NHSL2: variants seen among roughly 807,000 people sequenced by gnomAD.
The protein encoded by NHSL2 is NHS like 2.
Under a neutral mutation model 53.4 loss-of-function variants are expected in NHSL2, and 27 were observed. That is an observed-to-expected ratio of 0.51 (90% CI 0.37 to 0.70). The LOEUF (loss-of-function observed/expected upper bound fraction) is 0.70, where lower values mean the gene tolerates loss of function less well. Ranked by LOEUF, NHSL2 falls within the 30% of genes least tolerant of loss-of-function variation. The pLI is 0.00. For synonymous variants in NHSL2, 408 were observed against 404.1 expected, an observed-to-expected ratio of 1.01 and a Z score of -0.12; for missense variants, 892 against 980.1, an observed-to-expected ratio of 0.91 and a Z score of 1.20.
chrX:72,132,123 T>C lies in NHSL2; in HGVS notation c.325T>C (p.Ser109Pro). Reference protein sequence around the residue: ...GRENATATAHSRSSWRQPVNV... With the variant: ...GRENATATAHPRSSWRQPVNV... ...GGAAAATGCGACAGCGACTGCCCAC[T>C]CGAGGTCGTCATGGCGACAGCCAGT... Residue 109 changes from serine to proline, a missense_variant, in exon 2 of 8, where the codon TCG becomes CCG. Physicochemically the swap from Ser to Pro is moderately conservative, Grantham distance 74 (BLOSUM62 -1). Coordinates refer to ENST00000633930, the MANE Select transcript of NHSL2 (RefSeq NM_001013627.3). 1 of 1,166,490 alleles carries C rather than the reference T, an allele frequency of 8.6e-7. No individual in the cohort carries two copies. The highest frequency in any genetic ancestry group is 1.9e-5 in the South Asian group (1 of 52,599).
At chrX:71,992,526 C>G (rs1010928049) in intron 1 of NHSL2, among the ~76,000 whole-genome samples, 2 of 112,357 alleles carry the variant, frequency 1.8e-5, no homozygotes, top group Non-Finnish European at 3.8e-5. Flanking sequence ...TGCTTAGGAA[C>G]TCAGGGAGAC....
At chrX:72,065,545 C>G (rs1258118438) in intron 1 of NHSL2, among the ~76,000 whole-genome samples, 1 of 111,258 alleles carries the variant, frequency 9.0e-6, no homozygotes, top group Non-Finnish European at 1.9e-5. Context: ...TAAGGAGCAG[C>G]CTGTAGGGTT....
At chrX:72,002,265 T>C (rs2042075604) in intron 1 of NHSL2, among the ~76,000 whole-genome samples, 1 of 112,221 alleles carries the variant, frequency 8.9e-6, no homozygotes. Flanking sequence ...CCTTCCTGGC[T>C]CCTAAAGGCA....
At chrX:72,015,085 G>C (rs139351147) in intron 1 of NHSL2, among the ~76,000 whole-genome samples, 1 of 111,087 alleles carries the variant, frequency 9.0e-6, no homozygotes, top group Admixed American at 9.6e-5. Flanking sequence ...GCCCCTGTTG[G>C]TATTTTCAGT....
chrX:72,060,339 G>A (rs1209439758), intron 1 of NHSL2, among the ~76,000 whole-genome samples: 2 of 112,201 alleles, frequency 1.8e-5, no homozygotes, highest in African/African-American at 3.2e-5. Context: ...AGTGTCTAAG[G>A]AAAGAAGTGT....
At chrX:71,946,307 C>G (rs1304933473) in intron 1 of NHSL2, among the ~76,000 whole-genome samples, 1 of 112,205 alleles carries the variant, frequency 8.9e-6, no homozygotes, top group Non-Finnish European at 1.9e-5. Flanking sequence ...GCAATTCAGG[C>G]AGAGGGCATA....
In NHSL2 at chrX:72,140,215, A is replaced by C. The variant is rs752026921; in HGVS notation, c.2667A>C (p.Pro889=). ...RRPPSLVHKP[P]SVPEEYALTS... ...CTCCAAGCTTGGTCCACAAGCCACC[A>C]TCTGTTCCTGAGGAGTATGCACTAA... is the stretch of plus-strand genomic sequence containing the variant. Residue 889 remains proline (P), a synonymous_variant, in exon 6 of 8, where the codon CCA becomes CCC. Transcript: ENST00000633930. The C allele has an allele frequency of 8.3e-6, 10 of 1,208,014 alleles. No individual in the cohort carries two copies. The highest frequency in any genetic ancestry group is 1.1e-5 in the Non-Finnish European group (10 of 894,378).
At chrX:72,093,332 A>G (rs2041912911) in intron 1 of NHSL2, among the ~76,000 whole-genome samples, 1 of 112,368 alleles carries the variant, frequency 8.9e-6, no homozygotes, top group African/African-American at 3.2e-5. Flanking sequence ...TGGACTGTTT[A>G]CCCAGATATA....
chrX:72,102,729 G>T (rs182747332), intron 1 of NHSL2, among the ~76,000 whole-genome samples: 11 of 112,474 alleles, frequency 9.8e-5, no homozygotes, highest in East Asian at 2.8e-4. Flanking sequence ...TGCAGTATTA[G>T]TAATCCCTTT....
chrX:72,096,560 G>A (rs192612313), intron 1 of NHSL2, among the ~76,000 whole-genome samples: 28 of 112,217 alleles, frequency 2.5e-4, no homozygotes, highest in African/African-American at 6.2e-4. Flanking sequence ...TATGTTGAAC[G>A]CAGAATTCCT....
intron 1 of NHSL2, among the ~76,000 whole-genome samples, chrX:72,085,986 A>G (rs1380500577): frequency 9.0e-6 from 1 of 111,291 alleles, no homozygotes; most frequent in African/African-American, 3.3e-5. Flanking sequence ...TTGAGGCTGA[A>G]CAAAAAGAAT....
chrX:72,043,398 A>C (rs1433151852), intron 1 of NHSL2, among the ~76,000 whole-genome samples: 1 of 111,356 alleles, frequency 9.0e-6, no homozygotes, highest in Non-Finnish European at 1.9e-5. Context: ...CTGTGTTGCC[A>C]GGTACTTTCT....
rs558891329 is a variant in NHSL2, at chrX:72,030,496, A to T, written c.281-101583A>T. Among the ~76,000 whole-genome samples the T allele has an allele frequency of 4.6e-5, 5 of 109,876 alleles. No individual in the cohort carries two copies. In the South Asian group the frequency reaches 1.9e-3, roughly 42 times the overall value. On this transcript the variant is annotated intron_variant, in intron 1 of 7. Transcript: ENST00000633930. ...CATTTCAATGAAGTTGTATATGTAT[A>T]TGTGTGTGTGTGTGTGTGTATACAT...
In NHSL2 at chrX:72,143,363, C is replaced by T. The variant is rs1342435055; in HGVS notation, c.3467C>T (p.Ser1156Phe). 14 of 1,166,445 alleles carry T rather than the reference C, an allele frequency of 1.2e-5. No individual in the cohort carries two copies. Among genetic ancestry groups the T allele is most frequent in the African/African-American group, 3.6e-5 (2 of 56,210 alleles). The stretch of plus-strand genomic sequence containing the variant: ...ACAGCTGAGTCTCCAATCAGTGAGT[C>T]TACCGCCACTGCAGGGTCAGGCAGC... ...KNTAESPISE[S>F]TATAGSGSSA... Residue 1156 changes from serine to phenylalanine, a missense_variant, in exon 8 of 8, where the codon TCT becomes TTT. Coordinates refer to ENST00000633930, the MANE Select transcript of NHSL2 (RefSeq NM_001013627.3).
chrX:72,128,683 C>T (rs2147504495), intron 1 of NHSL2: 1 of 112,834 alleles, frequency 8.9e-6, no homozygotes, highest in South Asian at 3.6e-4. Context: ...TGCAGCCTTC[C>T]TCTCTCCTCT....
chrX:72,140,464 G>C lies in NHSL2; in HGVS notation c.2916G>C (p.Glu972Asp). ...GTQQPPQGSV[E>D]DEGPKVRVLP... ...AGCAGCCTCCCCAGGGAAGTGTAGA[G>C]GACGAGGGCCCCAAGGTGAGGGTTC... is the stretch of plus-strand genomic sequence containing the variant. Residue 972 changes from glutamate (E) to aspartate (D), a missense_variant, in exon 6 of 8, where the codon GAG (glutamate) becomes GAC (aspartate). Physicochemically the swap from Glu to Asp is conservative, Grantham distance 45 (BLOSUM62 2). Transcript: ENST00000633930. 8.3e-7 allele frequency: 1 copy of C among 1,209,353 alleles called. No homozygotes were observed. Among genetic ancestry groups the C allele is most frequent in the Non-Finnish European group, 1.1e-6 (1 of 894,250 alleles).
chrX:71,975,441 C>T (rs1434655098), intron 1 of NHSL2, among the ~76,000 whole-genome samples: 1 of 111,068 alleles, frequency 9.0e-6, no homozygotes, highest in East Asian at 2.8e-4. Context: ...CTTGTCTCTC[C>T]GTCTCTCTCT....
chrX:72,003,553 A>G (rs547465572), intron 1 of NHSL2, among the ~76,000 whole-genome samples: 6 of 111,289 alleles, frequency 5.4e-5, no homozygotes, highest in African/African-American at 2.0e-4. Context: ...TATGCAAGTC[A>G]CTTAATCTCT....
rs1360712905 is a variant in NHSL2 at position 72,134,501 on chromosome X, C to T, written c.565-8C>T. 15 of 1,160,097 alleles carry T rather than the reference C, an allele frequency of 1.3e-5. No individual in the cohort carries two copies. Among genetic ancestry groups the T allele is most frequent in the Non-Finnish European group, 1.6e-5 (14 of 866,724 alleles). On this transcript the variant is annotated splice_polypyrimidine_tract_variant and splice_region_variant and intron_variant, in intron 3 of 7. Coordinates refer to ENST00000633930, the MANE Select transcript of NHSL2 (RefSeq NM_001013627.3). ...ATACACCCTTTCCATCACCTTCTCT[C>T]CCAACAGCCTACAAAACGGCAGCTG... is the stretch of plus-strand genomic sequence containing the variant.
Sources: gnomAD v4.1 joint callset for allele counts (sites outside exome capture counted in the v4.1 genomes callset) on GRCh38, gnomAD v4.1.1 for gene constraint, MANE v1.5 for transcripts, NCBI Gene and HGNC (gene_info 2026-07-23, HGNC 2026-07-21) for gene names.